The following DAB1 variants were observed in gnomAD, a reference collection of about 807,000 sequenced individuals.
DAB1 encodes the protein DAB adaptor protein 1.
In DAB1, 15 loss-of-function variants were observed where a neutral mutation model predicts 64.6. The ratio of observed to expected loss-of-function variants is 0.23; its 90% CI spans 0.16 to 0.36. The LOEUF (loss-of-function observed/expected upper bound fraction) is 0.36, where lower values mean the gene tolerates loss of function less well. DAB1 is among the 10% of genes least tolerant of loss of function. DAB1 has a pLI of 1.00. For synonymous variants in DAB1, 235 were observed against 251.9 expected, an observed-to-expected ratio of 0.93 and a Z score of 0.64; for missense variants, 596 against 706.7, an observed-to-expected ratio of 0.84 and a Z score of 1.78.
intron 5 of DAB1, among the ~76,000 whole-genome samples, chr1:57,944,232 T>A (rs2180351): frequency 6.6e-6 from 1 of 151,854 alleles, no homozygotes; most frequent in Non-Finnish European, 1.5e-5. Context: ...ACCTGTCCTG[T>A]TTGGTGGCCT....
chr1:57,400,773 A>T (rs1234381926), intron 1 of DAB1, among the ~76,000 whole-genome samples: 1 of 151,884 alleles, frequency 6.6e-6, no homozygotes, highest in Admixed American at 6.6e-5. Context: ...GCCCATCTAG[A>T]CACATTACAC....
At chr1:58,295,118 A>G (rs1661939088) in intron 4 of DAB1, among the ~76,000 whole-genome samples, 1 of 151,984 alleles carries the variant, frequency 6.6e-6, no homozygotes, top group East Asian at 1.9e-4. Flanking sequence ...ACAGTCTCCA[A>G]GATTTGGTAT....
intron 4 of DAB1, among the ~76,000 whole-genome samples, chr1:58,184,950 G>T (rs1570459259): frequency 6.6e-6 from 1 of 152,124 alleles, no homozygotes; most frequent in African/African-American, 2.4e-5. Flanking sequence ...GTCAAAGAGA[G>T]CAGCCATGTC....
intron 4 of DAB1, among the ~76,000 whole-genome samples, chr1:58,235,647 A>T (rs1172537538): frequency 6.6e-6 from 1 of 152,202 alleles, no homozygotes; most frequent in Non-Finnish European, 1.5e-5. Flanking sequence ...CTTTGAAATC[A>T]TCCTGTATCA....
intron 7 of DAB1, among the ~76,000 whole-genome samples, chr1:57,593,980 T>G (rs1316443310): frequency 6.6e-6 from 1 of 152,202 alleles, no homozygotes; most frequent in Non-Finnish European, 1.5e-5. Context: ...CAAGCCTGGG[T>G]TGTATGCCTT....
chr1:57,886,809 A>G (rs1644230527), upstream of DAB1, among the ~76,000 whole-genome samples: 1 of 152,148 alleles, frequency 6.6e-6, no homozygotes, highest in Non-Finnish European at 1.5e-5. Flanking sequence ...ATATTTGGCA[A>G]GTTACTGAAT....
intron 7 of DAB1, among the ~76,000 whole-genome samples, chr1:57,550,049 A>G (rs1328202460): frequency 6.6e-6 from 1 of 152,188 alleles, no homozygotes; most frequent in Non-Finnish European, 1.5e-5. Context: ...ATGCAGAGAT[A>G]TGTATAGCTT....
chr1:57,221,068 TA>T (rs1433982613), intron 2 of DAB1, among the ~76,000 whole-genome samples: 2 of 152,094 alleles, frequency 1.3e-5, no homozygotes, highest in African/African-American at 4.8e-5. Context: ...TATGCAGCCA[TA>T]AAAAAGGATG....
At chr1:57,434,858 A>G (rs1685632259) in intron 7 of DAB1, among the ~76,000 whole-genome samples, 5 of 152,136 alleles carry the variant, frequency 3.3e-5, no homozygotes, top group Admixed American at 3.3e-4. Context: ...CTCTACCTAT[A>G]TAGAGCACTT....
At chr1:58,433,110 C>A (rs1191792054) in intron 3 of DAB1, among the ~76,000 whole-genome samples, 1 of 152,148 alleles carries the variant, frequency 6.6e-6, no homozygotes, top group Non-Finnish European at 1.5e-5. Context: ...CCTCCCACAC[C>A]CCCCCTATTT....
At chr1:57,144,998 T>C (rs1658977083) in intron 3 of DAB1, among the ~76,000 whole-genome samples, 1 of 152,166 alleles carries the variant, frequency 6.6e-6, no homozygotes, top group Admixed American at 6.5e-5. Flanking sequence ...TTTGATAATT[T>C]TTTGCTTTTA....
At chr1:58,545,439 G>C (rs780979546) in intron 1 of DAB1, among the ~76,000 whole-genome samples, 2 of 152,120 alleles carry the variant, frequency 1.3e-5, no homozygotes, top group Non-Finnish European at 2.9e-5. Context: ...TGAAGAAAGG[G>C]TAAAGAATGA....
chr1:57,319,719 G>C (rs1035760347), intron 1 of DAB1, among the ~76,000 whole-genome samples: 1 of 152,100 alleles, frequency 6.6e-6, no homozygotes, highest in African/African-American at 2.4e-5. Flanking sequence ...GCTAGAAGTG[G>C]CACTATGATA....
intron 3 of DAB1, among the ~76,000 whole-genome samples, chr1:57,139,053 T>C (rs575546369): frequency 6.6e-6 from 1 of 152,282 alleles, no homozygotes; most frequent in South Asian, 2.1e-4. Flanking sequence ...TACATGTTAC[T>C]ATCCCTTTCC....
chr1:57,649,684 T>C (rs944490305), intron 6 of DAB1: 1 of 152,188 alleles, frequency 6.6e-6, no homozygotes, highest in African/African-American at 2.4e-5. Context: ...AAACAAAACA[T>C]GATATTTAAA....
At chr1:57,959,189 T>C (rs1199702110) in intron 5 of DAB1, among the ~76,000 whole-genome samples, 15 of 152,218 alleles carry the variant, frequency 9.9e-5, no homozygotes. Flanking sequence ...TAACCTTTCA[T>C]TGAGCTTCCT....
At chr1:57,151,075 AAC>A (rs1167902826) in intron 2 of DAB1, among the ~76,000 whole-genome samples, 3 of 152,138 alleles carry the variant, frequency 2.0e-5, no homozygotes, top group African/African-American at 7.2e-5. Flanking sequence ...GTACTTGCAA[AAC>A]ACAGTACTAG....
At chr1:58,500,052 A>G (rs1045487498) in intron 3 of DAB1, among the ~76,000 whole-genome samples, 1 of 152,216 alleles carries the variant, frequency 6.6e-6, no homozygotes, top group Admixed American at 6.5e-5. Context: ...AGACATTTCA[A>G]GAGGGAAAAA....
chr1:57,071,850 A>G (rs1042430952), intron 5 of DAB1, among the ~76,000 whole-genome samples: 2 of 152,344 alleles, frequency 1.3e-5, no homozygotes, highest in East Asian at 1.9e-4. Context: ...TTGCAAATTC[A>G]TAATAATCAT....
Sources: allele counts gnomAD v4.1 joint callset (sites outside exome capture counted in the v4.1 genomes callset), GRCh38; gene constraint gnomAD v4.1.1; transcripts MANE v1.5; gene names NCBI Gene and HGNC (gene_info 2026-07-23, HGNC 2026-07-21).